Variants in EGFLAM observed in about 807,000 individuals in gnomAD.
The protein encoded by EGFLAM is EGF like, fibronectin type III and laminin G domains.
Under a neutral mutation model 113.1 loss-of-function variants are expected in EGFLAM, and 79 were observed. The observed-to-expected ratio is 0.70, with a 90% CI of 0.58 to 0.84. The LOEUF (loss-of-function observed/expected upper bound fraction) is 0.84, where lower values mean the gene tolerates loss of function less well. Ranked by LOEUF, EGFLAM falls within the 40% of genes least tolerant of loss-of-function variation. The pLI is 0.00. For synonymous variants in EGFLAM, 504 were observed against 487.6 expected (o/e 1.03, Z -0.44); for missense variants, 1,265 against 1,291.6 (o/e 0.98, Z 0.32).
At chr5:38,298,127 G>T (rs2111816252) in intron 1 of EGFLAM, among the ~76,000 whole-genome samples, 2 of 152,330 alleles carry the variant, frequency 1.3e-5, no homozygotes, top group Middle Eastern at 3.4e-3. Context: ...TCTGTTGTCT[G>T]CTCAGAGCAG....
rs959735498 is a variant in EGFLAM at position 38,350,364 on chromosome 5, A to G, written c.292-137A>G. The G allele has an allele frequency of 1.9e-5, 15 of 786,906 alleles. No homozygotes were observed. The African/African-American group carries it at 2.3e-4, about 12-fold the overall frequency. The allele number at this position is 786,906 out of a possible 1,614,324, so 48.7% of individuals were successfully genotyped here. On this transcript the variant is annotated intron_variant, in intron 3 of 21. Coordinates refer to ENST00000322350, the MANE Select transcript of EGFLAM (RefSeq NM_152403.4). ...TCTTGGCAAAGTTTAAAACTGGGCCAGTCCTAGACAAAGCAAAACATTCTC... is the reference window on the plus strand; with the variant it reads ...TCTTGGCAAAGTTTAAAACTGGGCCGGTCCTAGACAAAGCAAAACATTCTC...
In EGFLAM at chr5:38,362,390, A is replaced by T. The variant is rs142031892; in HGVS notation, c.546-7906A>T. ...TAGCAAAACTTGGACATATGACTGC[A>T]ATATTTAAGAGTGATGTAGTCTGGT... On this transcript the variant is annotated intron_variant, in intron 5 of 21. Coordinates refer to ENST00000322350, the MANE Select transcript of EGFLAM (RefSeq NM_152403.4). Among the ~76,000 whole-genome samples the T allele has an allele frequency of 4.5e-3, 689 of 152,328 alleles. 2 individuals carry two copies. Among genetic ancestry groups the T allele is most frequent in the Non-Finnish European group, 7.5e-3 (511 of 68,024 alleles).
intron 17 of EGFLAM, among the ~76,000 whole-genome samples, chr5:38,447,712 C>T (rs62353646): frequency 5.4e-5 from 8 of 149,342 alleles, no homozygotes; most frequent in East Asian, 2.0e-4. Context: ...GCCAAGATCG[C>T]GCCATTTCAC....
At chr5:38,384,454 T>C (rs1380226851) in intron 6 of EGFLAM, among the ~76,000 whole-genome samples, 3 of 152,144 alleles carry the variant, frequency 2.0e-5, no homozygotes, top group African/African-American at 7.2e-5. Flanking sequence ...GCAGTGTGAG[T>C]GTTGCTCCCA....
At chr5:38,306,134 G>A (rs1304053574) in intron 1 of EGFLAM, among the ~76,000 whole-genome samples, 2 of 152,188 alleles carry the variant, frequency 1.3e-5, no homozygotes, top group African/African-American at 4.8e-5. Flanking sequence ...ATTCATCATG[G>A]TGTCATTATG....
intron 19 of EGFLAM, among the ~76,000 whole-genome samples, chr5:38,452,793 G>A (rs1006916513): frequency 3.3e-5 from 5 of 152,190 alleles, no homozygotes; most frequent in African/African-American, 4.8e-5. Context: ...TACCGATAAC[G>A]CAGTGCCAGA....
chr5:38,308,910 G>A (rs1758795407), intron 1 of EGFLAM, among the ~76,000 whole-genome samples: 1 of 152,132 alleles, frequency 6.6e-6, no homozygotes, highest in African/African-American at 2.4e-5. Context: ...AACAATATGT[G>A]GGCTCTGACT....
chr5:38,258,662 A>G lies in EGFLAM; in HGVS notation c.-93A>G, dbSNP rs1056843269. The G allele has an allele frequency of 2.8e-6, 4 of 1,405,142 alleles. No homozygotes were observed. The African/African-American group carries it at 5.7e-5, about 20-fold the overall frequency. The allele number at this position is 1,405,142 out of a possible 1,614,324, so 87.0% of individuals were successfully genotyped here. On this transcript the variant is annotated 5_prime_UTR_variant, in exon 1 of 22. Transcript: ENST00000322350. ...CCCACCTCCTCGCCCCGGCCCGGGGATCCGTTGGGGCCGCGTCCCCCACGC... is the reference window on the plus strand; with the variant it reads ...CCCACCTCCTCGCCCCGGCCCGGGGGTCCGTTGGGGCCGCGTCCCCCACGC...
chr5:38,306,955 C>G lies in EGFLAM; in HGVS notation c.98-30565C>G, dbSNP rs115719911. Among the ~76,000 whole-genome samples the G allele has an allele frequency of 3.9e-3, 591 of 152,270 alleles. 4 individuals are homozygous for G. Among genetic ancestry groups the G allele is most frequent in the African/African-American group, 0.014 (575 of 41,546 alleles). On this transcript the variant is annotated intron_variant, in intron 1 of 21. Transcript: ENST00000322350. The stretch of plus-strand genomic sequence containing the variant: ...CAATAAACCCGGCTGGCAGCAAGAA[C>G]CAAGAACCAAGGCCCTGGATCGCTA...
chr5:38,377,736 T>G (rs6881629), intron 6 of EGFLAM, among the ~76,000 whole-genome samples: 1,680 of 150,918 alleles, frequency 0.011, 37 homozygotes, highest in African/African-American at 0.04. Context: ...ACAAATAGAG[T>G]AAAAGAGGGA....
At chr5:38,376,388 A>G (rs1393327080) in intron 6 of EGFLAM, among the ~76,000 whole-genome samples, 1 of 152,244 alleles carries the variant, frequency 6.6e-6, no homozygotes, top group Non-Finnish European at 1.5e-5. Flanking sequence ...TCCCCTAGGA[A>G]TAGAACTTGG....
chr5:38,259,060 A>G (rs2561095), intron 1 of EGFLAM, among the ~76,000 whole-genome samples: 22,696 of 152,196 alleles, frequency 0.15, 2,750 homozygotes, highest in African/African-American at 0.33. Context: ...TATTAAAAGA[A>G]TGATCAATTT....
At chr5:38,300,220 T>C (rs1026587374) in intron 1 of EGFLAM, among the ~76,000 whole-genome samples, 6 of 152,206 alleles carry the variant, frequency 3.9e-5, no homozygotes, top group African/African-American at 1.4e-4. Context: ...TCCAGGAACA[T>C]AAAGGCCTGG....
At chr5:38,436,876 TG>T in intron 16 of EGFLAM, among the ~76,000 whole-genome samples, 1 of 152,296 alleles carries the variant, frequency 6.6e-6, no homozygotes, top group East Asian at 1.9e-4. Flanking sequence ...GATTCAGGAC[TG>T]GGGAAAAGTT....
At chr5:38,386,712 G>A (rs2112076857) in intron 6 of EGFLAM, among the ~76,000 whole-genome samples, 1 of 152,076 alleles carries the variant, frequency 6.6e-6, no homozygotes, top group East Asian at 1.9e-4. Flanking sequence ...TCACCGTGTT[G>A]GCCAGGATGG....
chr5:38,447,712 C>A lies in EGFLAM; in HGVS notation c.2465-589C>A, dbSNP rs62353646. Among the ~76,000 whole-genome samples the A allele has an allele frequency of 3.1e-3, 460 of 149,448 alleles. 2 individuals are homozygous for A. The highest frequency in any genetic ancestry group is 0.011 in the African/African-American group (436 of 40,328). On this transcript the variant is annotated intron_variant, in intron 17 of 21. Transcript: ENST00000322350. ...TGGAAGTTGCAGTGAGCCAAGATCG[C>A]GCCATTTCACTCCAGCATGGGCAAC...
chr5:38,376,450 G>T (rs1369119934), intron 6 of EGFLAM, among the ~76,000 whole-genome samples: 2 of 152,184 alleles, frequency 1.3e-5, no homozygotes, highest in African/African-American at 4.8e-5. Flanking sequence ...CATGATATGA[G>T]CAGAGAAAGA....
At chr5:38,453,043 G>A (rs938754626) in intron 19 of EGFLAM, among the ~76,000 whole-genome samples, 4 of 152,172 alleles carry the variant, frequency 2.6e-5, no homozygotes, top group African/African-American at 9.7e-5. Flanking sequence ...GGCTTTCCAA[G>A]TGTGGTCCCC....
intron 12 of EGFLAM, among the ~76,000 whole-genome samples, chr5:38,419,043 C>T (rs1282347506): frequency 1.3e-5 from 2 of 152,100 alleles, no homozygotes; most frequent in Non-Finnish European, 2.9e-5. Context: ...CTGGAGAGGC[C>T]TCTCTCCTTG....
Sources: gnomAD v4.1 joint callset for allele counts (sites outside exome capture counted in the v4.1 genomes callset) on GRCh38, gnomAD v4.1.1 for gene constraint, MANE v1.5 for transcripts, NCBI Gene and HGNC (gene_info 2026-07-23, HGNC 2026-07-21) for gene names.